Variants in CTNNA3 observed in about 807,000 individuals in gnomAD.
The protein encoded by CTNNA3 is catenin alpha 3, also known as catenin alpha-3.
Under a neutral mutation model 95.7 loss-of-function variants are expected in CTNNA3, and 76 were observed. The ratio of observed to expected loss-of-function variants is 0.79; its 90% CI spans 0.66 to 0.96. The LOEUF is 0.96. CTNNA3 is among the 40% of genes least tolerant of loss of function. The pLI is 0.00. For synonymous variants in CTNNA3, 431 were observed against 374.4 expected, an observed-to-expected ratio of 1.15 and a Z score of -1.74; for missense variants, 1,191 against 1,089.8, an observed-to-expected ratio of 1.09 and a Z score of -1.31.
intron 7 of CTNNA3, among the ~76,000 whole-genome samples, chr10:66,981,249 T>G (rs1850423923): frequency 6.6e-6 from 1 of 152,238 alleles, no homozygotes; most frequent in African/African-American, 2.4e-5. Context: ...ATATCCTGAC[T>G]ACAGTTAAGC....
At chr10:66,819,092 T>C (rs1589290898) in intron 7 of CTNNA3, among the ~76,000 whole-genome samples, 1 of 110,726 alleles carries the variant, frequency 9.0e-6, no homozygotes, top group African/African-American at 3.7e-5. Flanking sequence ...ACTCTTGTCT[T>C]AAAAAAAAAA....
intron 7 of CTNNA3, among the ~76,000 whole-genome samples, chr10:67,155,743 C>T (rs1453202110): frequency 1.3e-5 from 2 of 152,028 alleles, no homozygotes; most frequent in Non-Finnish European, 2.9e-5. Flanking sequence ...GTTTGGCATC[C>T]TGCATTGGTG....
At position 67,285,304 on chromosome 10, in the gene CTNNA3, C is replaced by A. The variant is rs551248750; in HGVS notation, c.580-65434G>T. Among the ~76,000 whole-genome samples, 32 of 152,182 alleles carry A rather than the reference C, an allele frequency of 2.1e-4. 1 individual carries two copies. Among genetic ancestry groups the A allele is most frequent in the African/African-American group, 7.0e-4 (29 of 41,516 alleles). On this transcript the variant is annotated intron_variant, in intron 5 of 17. Coordinates refer to ENST00000433211, the MANE Select transcript of CTNNA3 (RefSeq NM_013266.4). ...ACAGCATTGCAGAGCTAGCTATGGG[C>A]CCCTAGAAATCATCCGTAAACTTCA...
intron 17 of CTNNA3, among the ~76,000 whole-genome samples, chr10:65,960,616 A>G (rs1289769388): frequency 1.3e-5 from 2 of 152,152 alleles, no homozygotes; most frequent in East Asian, 1.9e-4. Context: ...TATTAATTTC[A>G]TCTCTCAAAT....
chr10:66,577,973 A>T (rs376854850), intron 10 of CTNNA3, among the ~76,000 whole-genome samples: 56 of 152,006 alleles, frequency 3.7e-4, no homozygotes, highest in Non-Finnish European at 5.9e-4. Context: ...ATATTTTTCC[A>T]TGTGTTTGCA....
intron 11 of CTNNA3, among the ~76,000 whole-genome samples, chr10:66,430,439 T>G (rs538192720): frequency 6.6e-6 from 1 of 152,178 alleles, no homozygotes; most frequent in South Asian, 2.1e-4. Flanking sequence ...GAGCCTGCAT[T>G]GCCAAGTCAA....
chr10:66,854,142 C>T (rs146562298), intron 7 of CTNNA3, among the ~76,000 whole-genome samples: 1 of 152,088 alleles, frequency 6.6e-6, no homozygotes, highest in African/African-American at 2.4e-5. Context: ...TCAAACCATC[C>T]ATAAAATCCC....
At chr10:66,227,485 T>C (rs2089367689) in intron 13 of CTNNA3, among the ~76,000 whole-genome samples, 1 of 152,028 alleles carries the variant, frequency 6.6e-6, no homozygotes, top group Admixed American at 6.6e-5. Context: ...TTGACTTGCA[T>C]ATGTTAAACT....
intron 13 of CTNNA3, among the ~76,000 whole-genome samples, chr10:66,268,456 A>G (rs1023352781): frequency 6.6e-6 from 1 of 152,184 alleles, no homozygotes; most frequent in East Asian, 1.9e-4. Flanking sequence ...GCCAAGCCCC[A>G]TAAGAGGCTA....
chr10:66,847,124 G>T (rs572750600), intron 7 of CTNNA3, among the ~76,000 whole-genome samples: 6 of 152,232 alleles, frequency 3.9e-5, no homozygotes, highest in African/African-American at 1.4e-4. Flanking sequence ...CTTTGGTCTT[G>T]CCTGACATTT....
chr10:67,713,065 A>T (rs1055790933), intron 1 of CTNNA3, among the ~76,000 whole-genome samples: 3 of 152,094 alleles, frequency 2.0e-5, no homozygotes, highest in Non-Finnish European at 2.9e-5. Context: ...AGAATCTACA[A>T]GGAACTTAAA....
At chr10:67,624,655 A>C (rs968465613) in intron 2 of CTNNA3, among the ~76,000 whole-genome samples, 1 of 152,196 alleles carries the variant, frequency 6.6e-6, no homozygotes, top group Non-Finnish European at 1.5e-5. Context: ...CAGATTTGGC[A>C]TTGTTGGTGG....
At chr10:67,434,370 C>T (rs1036292581) in intron 5 of CTNNA3, among the ~76,000 whole-genome samples, 2 of 151,958 alleles carry the variant, frequency 1.3e-5, no homozygotes, top group Non-Finnish European at 2.9e-5. Flanking sequence ...TTCTAGAATA[C>T]TAATAATGCC....
intron 5 of CTNNA3, among the ~76,000 whole-genome samples, chr10:67,227,397 G>A (rs944535411): frequency 6.6e-6 from 1 of 152,008 alleles, no homozygotes; most frequent in African/African-American, 2.4e-5. Flanking sequence ...GGCCAAAGGG[G>A]TAGCTATTCT....
At chr10:66,617,633 C>G (rs1043810461) in intron 10 of CTNNA3, among the ~76,000 whole-genome samples, 1 of 152,110 alleles carries the variant, frequency 6.6e-6, no homozygotes, top group Admixed American at 6.6e-5. Context: ...TGGAAGCATT[C>G]CCTTTGAAAA....
intron 7 of CTNNA3, among the ~76,000 whole-genome samples, chr10:67,130,051 AC>A (rs1859917403): frequency 6.6e-6 from 1 of 152,114 alleles, no homozygotes; most frequent in Non-Finnish European, 1.5e-5. Flanking sequence ...CACATGAAGG[AC>A]ACTGTCTTTG....
intron 13 of CTNNA3, among the ~76,000 whole-genome samples, chr10:66,260,809 A>G (rs759364607): frequency 6.6e-6 from 1 of 152,060 alleles, no homozygotes; most frequent in African/African-American, 2.4e-5. Flanking sequence ...GATAGCTCAT[A>G]TATATTGAAA....
intron 10 of CTNNA3, among the ~76,000 whole-genome samples, chr10:66,529,880 T>TA (rs1360840423): frequency 6.6e-6 from 1 of 152,026 alleles, no homozygotes; most frequent in Admixed American, 6.6e-5. Flanking sequence ...TTTATGCCCA[T>TA]AAAAAAAGTC....
chr10:66,984,202 T>C (rs1850602130), intron 7 of CTNNA3, among the ~76,000 whole-genome samples: 1 of 152,094 alleles, frequency 6.6e-6, no homozygotes, highest in African/African-American at 2.4e-5. Context: ...GAAATGAAAA[T>C]ATTTCAACGA....
Sources: gnomAD v4.1 joint callset for allele counts (sites outside exome capture counted in the v4.1 genomes callset) on GRCh38, gnomAD v4.1.1 for gene constraint, MANE v1.5 for transcripts, NCBI Gene and HGNC (gene_info 2026-07-23, HGNC 2026-07-21) for gene names.